MC2R: variants seen among roughly 807,000 people sequenced by gnomAD.
MC2R encodes melanocortin 2 receptor, also known as adrenocorticotropic hormone receptor.
MC2R carries 9 observed loss-of-function variants against 9.8 expected under a neutral mutation model. That is an observed-to-expected ratio of 0.92 (90% CI 0.55 to 1.60). The LOEUF is 1.60. Among genes scored for constraint, MC2R ranks in the 40% most tolerant of loss-of-function variants. MC2R has a pLI of 0.00. For synonymous variants in MC2R, 185 were observed against 154.7 expected (o/e 1.20, Z -1.45); for missense variants, 370 against 389.0 (o/e 0.95, Z 0.41).
At chr18:13,907,494 T>C (rs557326956) in intron 1 of MC2R, among the ~76,000 whole-genome samples, 2 of 152,248 alleles carry the variant, frequency 1.3e-5, no homozygotes, top group Non-Finnish European at 2.9e-5. Context: ...CTCAAAAGCA[T>C]AAGCAACAAA....
intron 1 of MC2R, among the ~76,000 whole-genome samples, chr18:13,890,219 A>G (rs2045307858): frequency 6.6e-6 from 1 of 152,158 alleles, no homozygotes; most frequent in Non-Finnish European, 1.5e-5. Flanking sequence ...AGTTAATGCT[A>G]CAGAAAGCCT....
chr18:13,902,664 A>G (rs1437469795), intron 1 of MC2R, among the ~76,000 whole-genome samples: 1 of 152,182 alleles, frequency 6.6e-6, no homozygotes, highest in Non-Finnish European at 1.5e-5. Flanking sequence ...ACTAGACCCC[A>G]TCTCATGCCA....
chr18:13,887,498 G>T (rs760874670), intron 1 of MC2R, among the ~76,000 whole-genome samples: 12 of 152,236 alleles, frequency 7.9e-5, no homozygotes, highest in Non-Finnish European at 1.6e-4. Flanking sequence ...GGCCTGTGGT[G>T]GTTGGTGTTC....
rs745738941 is a variant in MC2R, at chr18:13,885,251, C to T, written c.268G>A (p.Gly90Ser). The change falls in exon 2 of 2, where the codon GGC becomes AGC. Residue 90 changes from glycine (G) to serine (S), a missense_variant. Transcript: ENST00000327606. ...AAACTGCCACGTGGCTTGAGATAGCCCATGTTTCTCAATATGATCAGGATA... is the reference window on the plus strand; with the variant it reads ...AAACTGCCACGTGGCTTGAGATAGCTCATGTTTCTCAATATGATCAGGATA... ...ENILIILRNM[G>S]YLKPRGSFET... The T allele has an allele frequency of 1.2e-6, 2 of 1,614,056 alleles. No homozygotes were observed. Among genetic ancestry groups the T allele is most frequent in the East Asian group, 4.5e-5 (2 of 44,872 alleles).
In MC2R at chr18:13,904,443, T is replaced by C. The variant is rs147259024; in HGVS notation, c.-129+11045A>G. Among the ~76,000 whole-genome samples the C allele has an allele frequency of 3.4e-3, 503 of 149,466 alleles. 6 individuals are homozygous for C. The highest frequency in any genetic ancestry group is 0.012 in the African/African-American group (481 of 40,650). On this transcript the variant is annotated intron_variant, in intron 1 of 1. Transcript: ENST00000327606. Reference sequence around the variant, plus strand: ...TGTGGCAAATTCACAGCTAGCATCATACTGAATGGGGAGAAATGGAAAGCC... The same window carrying C: ...TGTGGCAAATTCACAGCTAGCATCACACTGAATGGGGAGAAATGGAAAGCC...
In MC2R at chr18:13,884,721, C is replaced by T; in HGVS notation, c.798G>A (p.Met266Ile). 6.2e-7 allele frequency: 1 copy of T among 1,614,112 alleles called. No homozygotes were observed. The highest frequency in any genetic ancestry group is 1.1e-5 in the South Asian group (1 of 91,072). The change falls in exon 2 of 2, where the codon ATG (methionine) becomes ATA (isoleucine). Residue 266 changes from methionine to isoleucine, a missense_variant. Coordinates refer to ENST00000327606, the MANE Select transcript of MC2R (RefSeq NM_000529.2). ...SLFQVNGMLI[M>I]CNAVIDPFIY... is the part of the protein sequence containing the mutation. ...TGAAGGGGTCAATGACGGCATTGCA[C>T]ATGATCAACATGCCGTTCACCTGGA...
At position 13,885,082 on chromosome 18, in the gene MC2R, C is replaced by T. The variant is rs758709668; in HGVS notation, c.437G>A (p.Arg146His). Reference protein sequence around the residue: ...LRYHSIVTMRRTVVVLTVIWT... With the variant: ...LRYHSIVTMRHTVVVLTVIWT... ...GATGACCGTAAGCACCACCACAGTG[C>T]GGCGCATGGTCACGATGCTGTGGTA... The change falls in exon 2 of 2, where the codon CGC becomes CAC. Residue 146 changes from arginine (R) to histidine (H), a missense_variant. Physicochemically the swap from Arg to His is conservative, Grantham distance 29. Coordinates refer to ENST00000327606, the MANE Select transcript of MC2R (RefSeq NM_000529.2). The T allele has an allele frequency of 2.2e-5, 35 of 1,613,968 alleles. No homozygotes were observed. The highest frequency in any genetic ancestry group is 1.6e-4 in the South Asian group (15 of 91,068).
chr18:13,903,851 A>T (rs9646477), intron 1 of MC2R, among the ~76,000 whole-genome samples: 73,833 of 151,978 alleles, frequency 0.49, 18,358 homozygotes, highest in Middle Eastern at 0.61. Context: ...TAAAGGAAAA[A>T]TTTAAAAAAC....
chr18:13,894,168 G>A (rs1278423462), intron 1 of MC2R, among the ~76,000 whole-genome samples: 1 of 152,124 alleles, frequency 6.6e-6, no homozygotes, highest in Non-Finnish European at 1.5e-5. Flanking sequence ...GTGCGTGCAT[G>A]TGTGTGTGAG....
At chr18:13,891,463 A>G (rs1473008213) in intron 1 of MC2R, among the ~76,000 whole-genome samples, 1 of 152,226 alleles carries the variant, frequency 6.6e-6, no homozygotes, top group Non-Finnish European at 1.5e-5. Context: ...TTGAGGGCAA[A>G]TGTGTATGCA....
At chr18:13,901,934 G>A (rs1027588093) in intron 1 of MC2R, among the ~76,000 whole-genome samples, 6 of 151,958 alleles carry the variant, frequency 3.9e-5, no homozygotes, top group Non-Finnish European at 7.4e-5. Flanking sequence ...ATCAAAAAAA[G>A]AAAACTATAG....
Position 13,884,715 on chromosome 18 carries a change from A to G in MC2R, c.804T>C (p.Asn268=). 6.2e-7 allele frequency: 1 copy of G among 1,614,158 alleles called. No individual in the cohort carries two copies. The highest frequency in any genetic ancestry group is 8.5e-7 in the Non-Finnish European group (1 of 1,180,028). Residue 268 remains asparagine (N), a synonymous_variant, in exon 2 of 2, where the codon AAT becomes AAC. Coordinates refer to ENST00000327606, the MANE Select transcript of MC2R (RefSeq NM_000529.2). ...CATATATGAAGGGGTCAATGACGGC[A>G]TTGCACATGATCAACATGCCGTTCA... ...FQVNGMLIMC[N]AVIDPFIYAF...
intron 1 of MC2R, among the ~76,000 whole-genome samples, chr18:13,892,356 C>T (rs985678890): frequency 2.0e-5 from 3 of 146,878 alleles, no homozygotes; most frequent in Middle Eastern, 3.5e-3. Flanking sequence ...TGGTGGGGGG[C>T]GGGTGGGAAG....
At chr18:13,914,927 G>A (rs1567904927) in intron 1 of MC2R, among the ~76,000 whole-genome samples, 1 of 152,212 alleles carries the variant, frequency 6.6e-6, no homozygotes, top group Non-Finnish European at 1.5e-5. Context: ...TTGCTGCCTA[G>A]GAAGGTGGAG....
intron 1 of MC2R, among the ~76,000 whole-genome samples, chr18:13,892,513 A>T (rs1282864158): frequency 6.6e-6 from 1 of 152,184 alleles, no homozygotes; most frequent in African/African-American, 2.4e-5. Context: ...GGATGAGCCC[A>T]GCTCACCTTG....
At chr18:13,905,824 G>A (rs1226676681) in intron 1 of MC2R, among the ~76,000 whole-genome samples, 1 of 152,052 alleles carries the variant, frequency 6.6e-6, no homozygotes, top group East Asian at 1.9e-4. Flanking sequence ...TTGGAAGGCC[G>A]AGGTGGGTGG....
intron 1 of MC2R, among the ~76,000 whole-genome samples, chr18:13,887,097 G>A (rs1036985274): frequency 2.0e-5 from 3 of 152,270 alleles, no homozygotes; most frequent in Admixed American, 2.0e-4. Flanking sequence ...ACAGGGATGA[G>A]TCACCTTCGT....
At chr18:13,892,498 G>A (rs72874314) in intron 1 of MC2R, among the ~76,000 whole-genome samples, 3,905 of 152,250 alleles carry the variant, frequency 0.026, 86 homozygotes, top group Middle Eastern at 0.034. Flanking sequence ...TGGAGCATGG[G>A]TGGCGGATGA....
rs553110259 is a variant in MC2R, at chr18:13,890,482, T to C, written c.-128-4836A>G. ...TTTAGAGAGAGCCAGTGTAGGACTG[T>C]GCTCCTGAGCTCTGGGTTCTGGTGG... On this transcript the variant is annotated intron_variant, in intron 1 of 1. Transcript: ENST00000327606. Among the ~76,000 whole-genome samples the C allele has an allele frequency of 3.3e-5, 5 of 152,208 alleles. No individual in the cohort carries two copies. In the East Asian group the frequency reaches 9.6e-4, roughly 29 times the overall value.
Sources: gnomAD v4.1 joint callset for allele counts (sites outside exome capture counted in the v4.1 genomes callset) on GRCh38, gnomAD v4.1.1 for gene constraint, MANE v1.5 for transcripts, NCBI Gene and HGNC (gene_info 2026-07-23, HGNC 2026-07-21) for gene names.